The following NEO1 variants were observed in gnomAD, a reference collection of about 807,000 sequenced individuals.
The protein encoded by NEO1 is neogenin 1, also known as neogenin.
NEO1 carries 63 observed loss-of-function variants against 159.7 expected under a neutral mutation model. The observed-to-expected ratio is 0.39, with a 90% CI of 0.32 to 0.49. The LOEUF is 0.49. Ranked by LOEUF, NEO1 falls within the 20% of genes least tolerant of loss-of-function variation. The pLI is 0.85. For missense variants in NEO1, 1,615 were observed against 1,831.0 expected, an observed-to-expected ratio of 0.88 and a Z score of 2.15; for synonymous variants, 633 against 662.0, an observed-to-expected ratio of 0.96 and a Z score of 0.67.
At chr15:73,190,563 G>A (rs1056007255) in intron 7 of NEO1, among the ~76,000 whole-genome samples, 4 of 152,040 alleles carry the variant, frequency 2.6e-5, no homozygotes, top group Non-Finnish European at 5.9e-5. Context: ...AGAAGTTCTG[G>A]AATAAGTGAC....
intron 1 of NEO1, among the ~76,000 whole-genome samples, chr15:73,115,161 G>A (rs1179882223): frequency 1.3e-5 from 2 of 152,032 alleles, no homozygotes; most frequent in African/African-American, 2.4e-5. Context: ...TCCCGCCTCA[G>A]CCTCCCAACT....
rs2037985953 is a variant in NEO1 at position 73,217,788 on chromosome 15, CTT to C, written c.1292-18557_1292-18556del. Among the ~76,000 whole-genome samples the C allele has an allele frequency of 2.6e-5, 4 of 152,196 alleles. No individual in the cohort carries two copies. In the South Asian group the frequency reaches 6.2e-4, roughly 24 times the overall value. The stretch of plus-strand genomic sequence containing the variant: ...TGTACATTGATTTTGTATCCTGAGA[CTT>C]TGCTGAAGTTGCTTATCAGCTTAAG... On this transcript the variant is annotated intron_variant, in intron 7 of 28. Coordinates refer to ENST00000261908, the MANE Select transcript of NEO1 (RefSeq NM_002499.4).
chr15:73,097,919 C>G (rs2070168386), intron 1 of NEO1, among the ~76,000 whole-genome samples: 1 of 151,238 alleles, frequency 6.6e-6, no homozygotes, highest in South Asian at 2.1e-4. Flanking sequence ...TAGGAAATAC[C>G]TATTTTTTAA....
chr15:73,202,579 C>T (rs765126155), intron 7 of NEO1, among the ~76,000 whole-genome samples: 2 of 152,122 alleles, frequency 1.3e-5, no homozygotes, highest in Non-Finnish European at 2.9e-5. Flanking sequence ...TCTACCTCCT[C>T]CTCTCTGACT....
At chr15:73,255,295 C>T (rs1004098479) in intron 13 of NEO1, 1 of 152,926 alleles carries the variant, frequency 6.5e-6, no homozygotes, top group African/African-American at 2.4e-5. Context: ...ACTATGGACA[C>T]GATAAAGTTT....
chr15:73,102,551 T>C (rs1483894799), intron 1 of NEO1, among the ~76,000 whole-genome samples: 5 of 152,182 alleles, frequency 3.3e-5, no homozygotes, highest in African/African-American at 9.7e-5. Context: ...TCAATGTATA[T>C]CTAATGAATG....
chr15:73,086,751 T>G (rs1200833305), intron 1 of NEO1, among the ~76,000 whole-genome samples: 1 of 148,518 alleles, frequency 6.7e-6, no homozygotes, highest in African/African-American at 2.5e-5. Context: ...GCGATCTTGA[T>G]TCACACGATT....
intron 5 of NEO1, among the ~76,000 whole-genome samples, chr15:73,166,430 A>G (rs953451007): frequency 6.6e-6 from 1 of 152,220 alleles, no homozygotes; most frequent in African/African-American, 2.4e-5. Context: ...GCAAAGAGAA[A>G]TGGAGATGTT....
At chr15:73,141,151 G>A (rs2032349498) in intron 5 of NEO1, among the ~76,000 whole-genome samples, 1 of 152,160 alleles carries the variant, frequency 6.6e-6, no homozygotes, top group African/African-American at 2.4e-5. Flanking sequence ...TTTGAGCCCT[G>A]TCCCATAATT....
At chr15:73,114,877 A>G (rs1487954869) in intron 1 of NEO1, among the ~76,000 whole-genome samples, 2 of 152,142 alleles carry the variant, frequency 1.3e-5, no homozygotes, top group African/African-American at 4.8e-5. Flanking sequence ...TATACTTTTT[A>G]TTTATGTGTT....
At chr15:73,082,688 G>A (rs1439041244) in intron 1 of NEO1, among the ~76,000 whole-genome samples, 1 of 151,788 alleles carries the variant, frequency 6.6e-6, no homozygotes, top group East Asian at 1.9e-4. Context: ...ACCCTCAAAT[G>A]AATTATTAAT....
At chr15:73,262,863 G>GTAC (rs2040688896) in intron 15 of NEO1, among the ~76,000 whole-genome samples, 1 of 152,154 alleles carries the variant, frequency 6.6e-6, no homozygotes, top group South Asian at 2.1e-4. Context: ...TATCCATGGA[G>GTAC]TACTACTCAG....
chr15:73,281,225 T>G lies in NEO1; in HGVS notation c.3263-1739T>G, dbSNP rs2041690276. ...TCAAAAAAAAAAAAAACACATAAATTTATAAGCCAGGTTGTTAGGAGAACC... is the reference window on the plus strand; with the variant it reads ...TCAAAAAAAAAAAAAACACATAAATGTATAAGCCAGGTTGTTAGGAGAACC... On this transcript the variant is annotated intron_variant, in intron 22 of 28. Transcript: ENST00000261908. Among the ~76,000 whole-genome samples the G allele has an allele frequency of 1.5e-5, 2 of 132,794 alleles. 1 individual carries two copies. Among genetic ancestry groups the G allele is most frequent in the Admixed American group, 1.6e-4 (2 of 12,836 alleles). The allele number at this position is 132,794 out of a possible 152,430, so 87.1% of individuals were successfully genotyped here.
intron 13 of NEO1, among the ~76,000 whole-genome samples, chr15:73,256,927 A>G (rs2040382597): frequency 6.6e-6 from 1 of 152,040 alleles, no homozygotes; most frequent in Non-Finnish European, 1.5e-5. Flanking sequence ...TGTCTCTACA[A>G]AAAATACAAA....
intron 26 of NEO1, among the ~76,000 whole-genome samples, chr15:73,296,003 A>G (rs973724300): frequency 2.6e-5 from 4 of 152,184 alleles, no homozygotes; most frequent in Non-Finnish European, 5.9e-5. Flanking sequence ...ACTGTCAGGG[A>G]GCACCCTTCA....
chr15:73,299,478 C>T (rs1305977081), intron 27 of NEO1, among the ~76,000 whole-genome samples: 3 of 151,844 alleles, frequency 2.0e-5, no homozygotes, highest in African/African-American at 4.8e-5. Context: ...CTCCGACTCC[C>T]GGGTTCACGC....
Position 73,254,833 on chromosome 15 carries a change from A to G in NEO1, c.2092+4A>G. 6.2e-7 allele frequency: 1 copy of G among 1,611,420 alleles called. No individual in the cohort carries two copies. Among genetic ancestry groups the G allele is most frequent in the Non-Finnish European group, 8.5e-7 (1 of 1,179,104 alleles). On this transcript the variant is annotated splice_donor_region_variant and intron_variant, in intron 13 of 28. Transcript: ENST00000261908. ...CAGCTGTCTCAGCTGATTGAAGGTA[A>G]GCTACCGTGCACAAAGGCAAAAGGT... is the stretch of plus-strand genomic sequence containing the variant.
intron 11 of NEO1, 41 bp downstream of exon 11, chr15:73,249,762 G>A (rs1368645832): frequency 6.4e-7 from 1 of 1,565,948 alleles, no homozygotes; most frequent in African/African-American, 1.4e-5. Flanking sequence ...CACACTTGGT[G>A]CCCCTAGTGG....
At chr15:73,081,286 A>G (rs1182286601) in intron 1 of NEO1, among the ~76,000 whole-genome samples, 1 of 152,076 alleles carries the variant, frequency 6.6e-6, no homozygotes, top group African/African-American at 2.4e-5. Context: ...TGACTGGACT[A>G]TAGATAATCA....
Sources: gnomAD v4.1 joint callset for allele counts (sites outside exome capture counted in the v4.1 genomes callset) on GRCh38, gnomAD v4.1.1 for gene constraint, MANE v1.5 for transcripts, NCBI Gene and HGNC (gene_info 2026-07-23, HGNC 2026-07-21) for gene names.